Variants in ARHGAP45 observed in about 807,000 individuals in gnomAD.
ARHGAP45 encodes rho GTPase-activating protein 45.
In ARHGAP45, 56 loss-of-function variants were observed where a neutral mutation model predicts 116.1. The ratio of observed to expected loss-of-function variants is 0.48; its 90% CI spans 0.39 to 0.60. ARHGAP45 has a LOEUF of 0.60. Ranked by LOEUF, ARHGAP45 falls within the 20% of genes least tolerant of loss-of-function variation. The pLI, the probability that ARHGAP45 is intolerant of heterozygous loss-of-function variation, is 0.00. For missense variants in ARHGAP45, 1,622 were observed against 1,601.0 expected, an observed-to-expected ratio of 1.01 and a Z score of -0.22; for synonymous variants, 866 against 701.7, an observed-to-expected ratio of 1.23 and a Z score of -3.70.
chr19:1,076,204 G>A (rs569146860), intron 10 of ARHGAP45, among the ~76,000 whole-genome samples: 21 of 152,254 alleles, frequency 1.4e-4, no homozygotes, highest in East Asian at 7.7e-4. Flanking sequence ...GTCAAGGGGC[G>A]TGCGTGTATG....
chr19:1,085,568 T>TG (rs201632989), intron 22 of ARHGAP45, 92 bp from the exon 23 acceptor site: 9,678 of 756,448 alleles, frequency 0.013, 243 homozygotes, highest in Admixed American at 0.1. Flanking sequence ...CCCCCTCTCC[T>TG]GTCTCTCCCC....
In ARHGAP45 at chr19:1,068,514, G is replaced by C; in HGVS notation, c.191G>C (p.Arg64Pro). The C allele has an allele frequency of 6.2e-7, 1 of 1,601,234 alleles. No homozygotes were observed. The highest frequency in any genetic ancestry group is 8.5e-7 in the Non-Finnish European group (1 of 1,174,764). Residue 64 changes from arginine to proline, a missense_variant, in exon 2 of 23, where the codon CGG becomes CCG. Physicochemically the swap from Arg to Pro is moderately radical, Grantham distance 103. This residue lies in a region of ARHGAP45 where 279 missense variants were observed against 311.9 expected (regional missense o/e 0.89). Transcript: ENST00000313093. This position sits in a 1 kb window ranked among gnomAD's most constrained non-coding sequence, Gnocchi z 7.5. ...SGVKATGTLK[R>P]PTSLSRHASA... ...GTCAAGGCCACAGGGACCCTCAAGCGGCCCACCAGCCTGAGCCGCCACGCC... is the reference window on the plus strand; with the variant it reads ...GTCAAGGCCACAGGGACCCTCAAGCCGCCCACCAGCCTGAGCCGCCACGCC...
rs1371920659 is a variant in ARHGAP45 at position 1,074,148 on chromosome 19, G to C, written c.835G>C (p.Glu279Gln). Reference protein sequence around the residue: ...EEVDVLLQRCEGGVDAALLYA... With the variant: ...EEVDVLLQRCQGGVDAALLYA... ...GGTGGACGTGCTGCTACAGCGCTGT[G>C]AGGGGGGCGTGGATGCCGCACTGCT... is the stretch of plus-strand genomic sequence containing the variant. Residue 279 changes from glutamate (E) to glutamine (Q), a missense_variant, in exon 7 of 23, where the codon GAG becomes CAG. Physicochemically the swap from Glu to Gln is conservative, Grantham distance 29. This residue lies in a region of ARHGAP45 where 1,334 missense variants were observed against 1,263.8 expected (regional missense o/e 1.06). Coordinates refer to ENST00000313093, the MANE Select transcript of ARHGAP45 (RefSeq NM_012292.5). 1 of 1,613,310 alleles carries C rather than the reference G, an allele frequency of 6.2e-7. No individual in the cohort carries two copies. Among genetic ancestry groups the C allele is most frequent in the African/African-American group, 1.3e-5 (1 of 74,940 alleles).
intron 10 of ARHGAP45, 147 bp downstream of exon 10, chr19:1,075,026 C>CA: frequency 2.2e-6 from 1 of 456,854 alleles, no homozygotes; most frequent in Non-Finnish European, 3.1e-6. Flanking sequence ...CAGGCTGGGC[C>CA]GCCCCCCCCA....
At chr19:1,085,528 C>CA in intron 22 of ARHGAP45, 132 bp from the exon 23 acceptor site, 2 of 646,908 alleles carry the variant, frequency 3.1e-6, no homozygotes, top group Non-Finnish European at 5.2e-6. Context: ...TCCTGTCTCT[C>CA]CCCATCTCTC....
chr19:1,066,413 G>C (rs1281556818), upstream of ARHGAP45: 2 of 547,878 alleles, frequency 3.7e-6, no homozygotes, highest in Admixed American at 6.4e-5. Flanking sequence ...CGGTGGTCCA[G>C]AGTCACTGGA....
Position 1,086,134 on chromosome 19 carries a change from C to T in ARHGAP45, c.*128C>T, listed in dbSNP as rs942844405. On this transcript the variant is annotated 3_prime_UTR_variant, in exon 23 of 23. Coordinates refer to ENST00000313093, the MANE Select transcript of ARHGAP45 (RefSeq NM_012292.5). ...GTCGCTGCCGAGAGCGCCTGGACTT[C>T]GACGTCCCACCAGCGGGCGCCTCCT... 22 of 822,408 alleles carry T rather than the reference C, an allele frequency of 2.7e-5. No homozygotes were observed. The highest frequency in any genetic ancestry group is 8.6e-5 in the South Asian group (5 of 57,952). The allele number at this position is 822,408 out of a possible 1,614,324, so 50.9% of individuals were successfully genotyped here.
Position 1,082,942 on chromosome 19 carries a change from C to G in ARHGAP45, c.2620C>G (p.Arg874Gly), listed in dbSNP as rs1456811093. 6.3e-7 allele frequency: 1 copy of G among 1,579,456 alleles called. No individual in the cohort carries two copies. Among genetic ancestry groups the G allele is most frequent in the Non-Finnish European group, 8.6e-7 (1 of 1,166,116 alleles). The change falls in exon 20 of 23, where the codon CGG becomes GGG. Residue 874 changes from arginine (R) to glycine (G), a missense_variant. Arg to Gly is a moderately radical substitution (Grantham distance 125, BLOSUM62 -2). Around this residue, in one of 3 missense-constraint regions of ARHGAP45, gnomAD observed 1,334 missense variants for 1,263.8 expected, o/e 1.06. Transcript: ENST00000313093. ...EAEAKAASRG[R>G]QDGSESEAVA... The stretch of plus-strand genomic sequence containing the variant: ...CGAGGCCAAGGCGGCGTCCCGGGGC[C>G]GGCAGGACGGCTCGGAGAGCGAGGC...
Position 1,080,292 on chromosome 19 carries a change from G to T in ARHGAP45, c.1741G>T (p.Val581Leu). Residue 581 changes from valine to leucine, a missense_variant, in exon 14 of 23, where the codon GTG becomes TTG. Physicochemically the swap from Val to Leu is conservative, Grantham distance 32. Transcript: ENST00000313093. ...VMRARKSSFN[V>L]SDVARPEAAG... ...GCGTGCCCGGAAGAGCAGCTTCAACGTGAGTGATGTGGCGCGGCCGGAGGC... is the reference window on the plus strand; with the variant it reads ...GCGTGCCCGGAAGAGCAGCTTCAACTTGAGTGATGTGGCGCGGCCGGAGGC... The T allele has an allele frequency of 6.2e-7, 1 of 1,612,546 alleles. No homozygotes were observed. The highest frequency in any genetic ancestry group is 8.5e-7 in the Non-Finnish European group (1 of 1,179,846).
upstream of ARHGAP45, chr19:1,066,390 T>G: frequency 1.8e-6 from 1 of 566,024 alleles, no homozygotes. Flanking sequence ...TGCGTCCTGC[T>G]GCCCAGCACG....
rs2043428369 is a variant in ARHGAP45, at chr19:1,081,364, G to A, written c.2191-186G>A. The A allele has an allele frequency of 1.0e-5, 7 of 680,420 alleles. No individual in the cohort carries two copies. In the East Asian group the frequency reaches 1.7e-4, roughly 16 times the overall value. The allele number at this position is 680,420 out of a possible 1,614,324, so 42.1% of individuals were successfully genotyped here. A position where few individuals can be genotyped will look rare whatever the true frequency, so the allele number is the denominator to read the frequency against. On this transcript the variant is annotated intron_variant, in intron 17 of 22. Transcript: ENST00000313093. ...GTCCAGAAAACCAAGGGGCGGGAAGGAGAGGAGGCCACAGGGCAGGCGGGA... is the reference window on the plus strand; with the variant it reads ...GTCCAGAAAACCAAGGGGCGGGAAGAAGAGGAGGCCACAGGGCAGGCGGGA...
At chr19:1,067,937 T>C (rs2043069237) in intron 1 of ARHGAP45, among the ~76,000 whole-genome samples, 1 of 74,450 alleles carries the variant, frequency 1.3e-5, no homozygotes, top group African/African-American at 5.6e-5. Flanking sequence ...TCCCCAGGCC[T>C]GGGGTGTCTA....
At position 1,067,392 on chromosome 19, in the gene ARHGAP45, G is replaced by T. The variant is rs748662813; in HGVS notation, c.-14G>T. ...CCCAGCCCGCCCCCTCGGGCTCCCG[G>T]CCGGGGCCCCATCATGTTCTCCAGG... On this transcript the variant is annotated 5_prime_UTR_variant, in exon 1 of 23. Transcript: ENST00000313093. 7.1e-6 allele frequency: 11 copies of T among 1,557,970 alleles called. No individual in the cohort carries two copies. The South Asian group carries it at 1.3e-4, about 19-fold the overall frequency.
rs773071504 is a variant in ARHGAP45 at position 1,079,775 on chromosome 19, A to G, written c.1447A>G (p.Thr483Ala). 2 of 1,611,930 alleles carry G rather than the reference A, an allele frequency of 1.2e-6. No homozygotes were observed. The highest frequency in any genetic ancestry group is 1.7e-5 in the Admixed American group (1 of 59,994). The stretch of plus-strand genomic sequence containing the variant: ...GACGCAGAAGCAGGAGCTGGAGGAT[A>G]CCAAGGTGACGGCGCTGCGGCAGAT... ...AKTQKQELEDTKVTALRQIQE... is the reference protein window; with the variant it reads ...AKTQKQELEDAKVTALRQIQE... The change falls in exon 12 of 23, where the codon ACC (threonine) becomes GCC (alanine). Residue 483 changes from threonine to alanine, a missense_variant. By Grantham distance (58) the Thr-to-Ala change is moderately conservative. Coordinates refer to ENST00000313093, the MANE Select transcript of ARHGAP45 (RefSeq NM_012292.5).
intron 22 of ARHGAP45, 112 bp from the exon 23 acceptor site, chr19:1,085,525 TCTCCCCATCTCTCCTGTCTCTCC>T (rs1167700845): frequency 1.6e-6 from 1 of 631,848 alleles, no homozygotes; most frequent in African/African-American, 2.2e-5. Context: ...CTCTCCTGTC[TCTCCCCATCTCTCCTGTCTCTCC>T]ATCTCTCTCC....
intron 10 of ARHGAP45, among the ~76,000 whole-genome samples, chr19:1,075,116 G>T (rs2043220232): frequency 6.6e-6 from 1 of 151,836 alleles, no homozygotes; most frequent in Admixed American, 6.6e-5. Flanking sequence ...GGCGCTCACT[G>T]CTGTCCCTGC....
Position 1,081,667 on chromosome 19 carries a change from G to A in ARHGAP45, c.2308G>A (p.Ala770Thr), listed in dbSNP as rs1464706727. 1.3e-6 allele frequency: 2 copies of A among 1,583,036 alleles called. No individual in the cohort carries two copies. Among genetic ancestry groups the A allele is most frequent in the Non-Finnish European group, 1.7e-6 (2 of 1,165,358 alleles). ...GQDFSHAARS[A>T]PDGVPFIVKK... The stretch of plus-strand genomic sequence containing the variant: ...GGACTTCAGCCACGCGGCCCGCAGC[G>A]CCCCCGACGGCGTGCCCTTCATCGT... Residue 770 changes from alanine to threonine, a missense_variant, in exon 18 of 23, where the codon GCC becomes ACC. Coordinates refer to ENST00000313093, the MANE Select transcript of ARHGAP45 (RefSeq NM_012292.5).
At chr19:1,067,056 AG>A (rs1009258690), upstream of ARHGAP45, 32 of 535,792 alleles carry the variant, frequency 6.0e-5, no homozygotes, top group Non-Finnish European at 7.8e-5. Context: ...AGCGTCAGGC[AG>A]GGGCTCCCGG....
rs1394734097 is a variant in ARHGAP45, at chr19:1,085,938, C to G, written c.3343C>G (p.Pro1115Ala). 3.1e-6 allele frequency: 5 copies of G among 1,612,856 alleles called. No homozygotes were observed. The East Asian group carries it at 6.7e-5, about 22-fold the overall frequency. Residue 1115 changes from proline to alanine, a missense_variant, in exon 23 of 23, where the codon CCC becomes GCC. This residue lies in a region of ARHGAP45 where 1,334 missense variants were observed against 1,263.8 expected (regional missense o/e 1.06). Coordinates refer to ENST00000313093, the MANE Select transcript of ARHGAP45 (RefSeq NM_012292.5). ...CAACGTGCTGCAGGCCCCACTGCCC[C>G]CCATGAGGCTCCGTGGCGGGCGGAT... The part of the protein sequence containing the change: ...SNNVLQAPLP[P>A]MRLRGGRMTL...
Sources: allele counts gnomAD v4.1 joint callset (sites outside exome capture counted in the v4.1 genomes callset), GRCh38; gene constraint gnomAD v4.1.1; regional missense constraint gnomAD v4.1.1; non-coding constraint Gnocchi (gnomAD v3.1); transcripts MANE v1.5; gene names NCBI Gene and HGNC (gene_info 2026-07-23, HGNC 2026-07-21).